STK3: variants seen among roughly 807,000 people sequenced by gnomAD.
The protein encoded by STK3 is serine/threonine-protein kinase 3.
STK3 carries 41 observed loss-of-function variants against 58.0 expected under a neutral mutation model. That is an observed-to-expected ratio of 0.71 (90% confidence interval 0.55 to 0.92). STK3 has a LOEUF of 0.92. Among genes scored for constraint, STK3 ranks in the 40% least tolerant of loss-of-function variants. The pLI, the probability that STK3 is intolerant of heterozygous loss-of-function variation, is 0.00. For missense variants in STK3, 479 were observed against 602.7 expected (o/e 0.79, Z 2.15); for synonymous variants, 170 against 191.0 (o/e 0.89, Z 0.91).
chr8:98,443,294 C>T (rs1423719923), intron 1 of STK3, among the ~76,000 whole-genome samples: 2 of 152,182 alleles, frequency 1.3e-5, no homozygotes, highest in African/African-American at 4.8e-5. Flanking sequence ...ATAAATGCTT[C>T]CCAAGCTTTC....
chr8:98,440,065 G>C (rs549374130), intron 1 of STK3, among the ~76,000 whole-genome samples: 2 of 152,340 alleles, frequency 1.3e-5, no homozygotes, highest in Admixed American at 1.3e-4. Flanking sequence ...GGCAGGACCA[G>C]GGATAGCTGC....
intron 1 of STK3, among the ~76,000 whole-genome samples, chr8:98,929,669 G>A (rs1218742709): frequency 6.6e-6 from 1 of 152,068 alleles, no homozygotes; most frequent in Admixed American, 6.6e-5. Context: ...AATAAATAAA[G>A]GAATAAAGAT....
At chr8:98,507,332 T>C (rs1475616069) in intron 10 of STK3, among the ~76,000 whole-genome samples, 2 of 152,188 alleles carry the variant, frequency 1.3e-5, no homozygotes, top group Non-Finnish European at 2.9e-5. Flanking sequence ...GGCAACACCA[T>C]CCTGGCTGTT....
intron 1 of STK3, among the ~76,000 whole-genome samples, chr8:98,941,704 C>T (rs1236937532): frequency 6.6e-6 from 1 of 152,188 alleles, no homozygotes; most frequent in African/African-American, 2.4e-5. Flanking sequence ...CCCCCTCCTC[C>T]TCCACCTCCT....
intron 1 of STK3, among the ~76,000 whole-genome samples, chr8:98,927,776 A>G (rs1290533092): frequency 1.3e-5 from 2 of 152,224 alleles, no homozygotes; most frequent in Non-Finnish European, 2.9e-5. Flanking sequence ...ATCACATAAC[A>G]TAAGCTGGAA....
At chr8:98,601,843 G>A (rs770514497) in intron 6 of STK3, among the ~76,000 whole-genome samples, 3 of 152,180 alleles carry the variant, frequency 2.0e-5, no homozygotes, top group African/African-American at 4.8e-5. Context: ...GGGAAATTAC[G>A]AGGTGAGCCA....
chr8:98,378,939 C>T (rs758903072), intron 2 of STK3, among the ~76,000 whole-genome samples: 5 of 152,116 alleles, frequency 3.3e-5, no homozygotes, highest in Non-Finnish European at 5.9e-5. Context: ...GTATGAAAAC[C>T]CCACTGAGAA....
chr8:98,504,259 C>T (rs1266534878), intron 10 of STK3, among the ~76,000 whole-genome samples: 3 of 148,822 alleles, frequency 2.0e-5, no homozygotes, highest in African/African-American at 7.4e-5. Context: ...TTCCTCCATC[C>T]TTTTATTTTG....
intron 4 of STK3, among the ~76,000 whole-genome samples, chr8:98,723,191 G>A (rs1325999474): frequency 6.6e-6 from 1 of 152,050 alleles, no homozygotes; most frequent in Non-Finnish European, 1.5e-5. Flanking sequence ...GGGTGGTAGA[G>A]AGATAATAAA....
At chr8:98,868,118 T>C (rs1180681943) in intron 3 of STK3, among the ~76,000 whole-genome samples, 2 of 152,134 alleles carry the variant, frequency 1.3e-5, no homozygotes, top group African/African-American at 4.8e-5. Context: ...AGGGAACAAG[T>C]GCCAACCACA....
intron 3 of STK3, among the ~76,000 whole-genome samples, chr8:98,754,837 C>A (rs1185941397): frequency 6.6e-6 from 1 of 152,092 alleles, no homozygotes; most frequent in African/African-American, 2.4e-5. Flanking sequence ...TATGAATGTT[C>A]TCATTCAAAA....
intron 3 of STK3, among the ~76,000 whole-genome samples, chr8:98,409,433 C>G (rs976136151): frequency 1.3e-5 from 2 of 152,250 alleles, no homozygotes; most frequent in Non-Finnish European, 2.9e-5. Flanking sequence ...ATCCTTCAGT[C>G]TCTACTTCTC....
intron 1 of STK3, among the ~76,000 whole-genome samples, chr8:98,915,636 CTGAT>C (rs373349263): frequency 2.6e-5 from 4 of 151,234 alleles, no homozygotes; most frequent in Non-Finnish European, 4.4e-5. Context: ...ATAATTAATG[CTGAT>C]TGATTGATAT....
At chr8:98,571,939 T>C (rs931712793) in intron 8 of STK3, among the ~76,000 whole-genome samples, 2 of 152,218 alleles carry the variant, frequency 1.3e-5, no homozygotes, top group Non-Finnish European at 2.9e-5. Context: ...TCTTTTAAAG[T>C]GCTTTAAAAA....
downstream of STK3, chr8:98,879,692 G>T (rs1837722664): frequency 6.6e-6 from 1 of 151,804 alleles, no homozygotes; most frequent in Non-Finnish European, 1.5e-5. Flanking sequence ...TAATCAGTGT[G>T]CAATAACTTT....
chr8:98,805,945 C>A (rs1159096574), intron 1 of STK3, among the ~76,000 whole-genome samples: 1 of 152,094 alleles, frequency 6.6e-6, no homozygotes, highest in African/African-American at 2.4e-5. Context: ...CTGTCCCCAC[C>A]CATCCACACA....
downstream of STK3, chr8:98,879,055 C>T (rs562385484): frequency 1.0e-3 from 152 of 152,084 alleles, 3 homozygotes; most frequent in Non-Finnish European, 9.4e-4. Flanking sequence ...TGAGCCACCG[C>T]GCCCGGCCAT....
At chr8:98,389,950 T>G (rs529243631), upstream of STK3, among the ~76,000 whole-genome samples, 62 of 152,142 alleles carry the variant, frequency 4.1e-4, no homozygotes, top group Non-Finnish European at 8.1e-4. Context: ...TGATTTGACA[T>G]GATCTCACTT....
At chr8:98,429,521 G>A in intron 3 of STK3, 1 of 768,432 alleles carries the variant, frequency 1.3e-6, no homozygotes, top group South Asian at 1.9e-5. Flanking sequence ...CCCAGCCCCT[G>A]AGGGGAGAGA....
Sources: gnomAD v4.1 joint callset for allele counts (sites outside exome capture counted in the v4.1 genomes callset) on GRCh38, gnomAD v4.1.1 for gene constraint, MANE v1.5 for transcripts, NCBI Gene and HGNC (gene_info 2026-07-23, HGNC 2026-07-21) for gene names.